CARD9: variants seen among roughly 807,000 people sequenced by gnomAD.
CARD9 encodes caspase recruitment domain family member 9, also known as caspase recruitment domain-containing protein 9.
In CARD9, 53 loss-of-function variants were observed where a neutral mutation model predicts 66.0. The ratio of observed to expected loss-of-function variants is 0.80; its 90% CI spans 0.64 to 1.01. CARD9 has a LOEUF of 1.01. CARD9 is among the 50% of genes least tolerant of loss of function. CARD9 has a pLI of 0.00. For missense variants in CARD9, 769 were observed against 743.2 expected, an observed-to-expected ratio of 1.03 and a Z score of -0.40; for synonymous variants, 387 against 313.8, an observed-to-expected ratio of 1.23 and a Z score of -2.47.
chr9:136,367,176 G>A (rs1442792372), intron 9 of CARD9, 40 bp downstream of exon 9: 1 of 1,602,614 alleles, frequency 6.2e-7, no homozygotes, highest in Non-Finnish European at 8.5e-7. Flanking sequence ...GACCCCAGGT[G>A]AAGGAAGGCC....
In CARD9 at chr9:136,371,995, T is replaced by A; in HGVS notation, c.84A>T (p.Ser28=). 6.2e-7 allele frequency: 1 copy of A among 1,612,768 alleles called. No individual in the cohort carries two copies. Among genetic ancestry groups the A allele is most frequent in the Non-Finnish European group, 8.5e-7 (1 of 1,179,908 alleles). Residue 28 remains serine, a synonymous_variant, in exon 2 of 13, where the codon TCA becomes TCT. Transcript: ENST00000371732. The part of the protein sequence containing the change: ...RVTLTSVIDP[S]RITPYLRQCK... Reference sequence around the variant, plus strand: ...ACTGCCGCAGGTAAGGTGTGATGCGTGAGGGGTCGATGACCGAGGTGAGCG... The same window carrying A: ...ACTGCCGCAGGTAAGGTGTGATGCGAGAGGGGTCGATGACCGAGGTGAGCG...
intron 1 of CARD9, among the ~76,000 whole-genome samples, chr9:136,372,515 A>C (rs1347609834): frequency 1.3e-5 from 2 of 152,222 alleles, no homozygotes; most frequent in African/African-American, 4.8e-5. Context: ...CATGGCTGGA[A>C]TGGGCAGAGG....
chr9:136,366,991 CAGCAGA>C, intron 9 of CARD9, 146 bp from the exon 10 acceptor site: 1 of 1,102,602 alleles, frequency 9.1e-7, no homozygotes, highest in Non-Finnish European at 1.4e-6. Flanking sequence ...CTCAGGTGCC[CAGCAGA>C]CGGACATTGG....
rs1326264729 is a variant in CARD9 at position 136,367,206 on chromosome 9, TCTCA to T, written c.1311+6_1311+9del. On this transcript the variant is annotated splice_donor_region_variant and intron_variant, in intron 9 of 12. Transcript: ENST00000371732. The stretch of plus-strand genomic sequence containing the variant: ...AAGGCCAGCCTCGTGCTGGCTGGGG[TCTCA>T]CTCACCTCCTGGGACCTCCTGGGTG... 7 of 1,611,450 alleles carry T rather than the reference TCTCA, an allele frequency of 4.3e-6. No individual in the cohort carries two copies. Among genetic ancestry groups the T allele is most frequent in the African/African-American group, 2.7e-5 (2 of 74,868 alleles).
chr9:136,370,317 G>C lies in CARD9; in HGVS notation c.928C>G (p.Gln310Glu). 6.2e-7 allele frequency: 1 copy of C among 1,607,154 alleles called. No homozygotes were observed. The highest frequency in any genetic ancestry group is 8.5e-7 in the Non-Finnish European group (1 of 1,179,100). The stretch of plus-strand genomic sequence containing the variant: ...ACCCGGAGGCGTCGGGCCTCGCCCT[G>C]GCGGAGGTCCTTGCGCAGGGAGAAG... ...TIFSLRKDLR[Q>E]GEARRLRCME... The change falls in exon 6 of 13, where the codon CAG becomes GAG. Residue 310 changes from glutamine (Q) to glutamate (E), a missense_variant. Physicochemically the swap from Gln to Glu is conservative, Grantham distance 29. Coordinates refer to ENST00000371732, the MANE Select transcript of CARD9 (RefSeq NM_052813.5).
At position 136,365,470 on chromosome 9, in the gene CARD9, C is replaced by T. The variant is rs570925131; in HGVS notation, c.1358-253G>A. ...CGCTCCCGCCAGTGACCATCCCTCC[C>T]CCGAGCTGGCTGCCTGCCAGGGAGG... On this transcript the variant is annotated intron_variant, in intron 10 of 12. Transcript: ENST00000371732. 1.1e-3 allele frequency: 602 copies of T among 564,432 alleles called. 9 individuals carry two copies. The South Asian group carries it at 0.011, about 10-fold the overall frequency. The allele number at this position is 564,432 out of a possible 1,614,324, so 35.0% of individuals were successfully genotyped here. A position where few individuals can be genotyped will look rare whatever the true frequency, so the allele number is the denominator to read the frequency against.
intron 10 of CARD9, 136 bp from the exon 11 acceptor site, chr9:136,365,353 G>A (rs1833098056): frequency 1.3e-6 from 1 of 781,544 alleles, no homozygotes; most frequent in Admixed American, 2.1e-5. Context: ...GTCCAGTGTA[G>A]ACTCTGCTTT....
rs1287916815 is a variant in CARD9, at chr9:136,370,282, C to G, written c.951+12G>C. 6.3e-7 allele frequency: 1 copy of G among 1,595,920 alleles called. No individual in the cohort carries two copies. The highest frequency in any genetic ancestry group is 1.7e-5 in the Admixed American group (1 of 59,448). The stretch of plus-strand genomic sequence containing the variant: ...GACCCCAGGGGCCATGTCTCCCCGC[C>G]TGCCCTCCTACCCGGAGGCGTCGGG... On this transcript the variant is annotated intron_variant, in intron 6 of 12. Coordinates refer to ENST00000371732, the MANE Select transcript of CARD9 (RefSeq NM_052813.5).
At position 136,364,313 on chromosome 9, in the gene CARD9, C is replaced by T. The variant is rs1833059447; in HGVS notation, c.1600G>A (p.Glu534Lys). 2 of 1,559,110 alleles carry T rather than the reference C, an allele frequency of 1.3e-6. No homozygotes were observed. The highest frequency in any genetic ancestry group is 1.7e-4 in the Middle Eastern group (1 of 6,010). Reference sequence around the variant, plus strand: ...CTGCGCTGCTGCGGCTAGGAGCCCTCAGTGTCGGTGTTGTCGCTGCCCGTG... The same window carrying T: ...CTGCGCTGCTGCGGCTAGGAGCCCTTAGTGTCGGTGTTGTCGCTGCCCGTG... ...NTTGSDNTDT[E>K]GS Residue 534 changes from glutamate to lysine, a missense_variant, in exon 13 of 13, where the codon GAG (glutamate) becomes AAG (lysine). Transcript: ENST00000371732.
intron 10 of CARD9, chr9:136,366,514 G>T: frequency 1.9e-6 from 1 of 527,270 alleles, no homozygotes; most frequent in Non-Finnish European, 3.4e-6. Flanking sequence ...CAGGACGGTG[G>T]GCCTGCTCAC....
chr9:136,367,652 C>T lies in CARD9; in HGVS notation c.1254G>A (p.Leu418=). The part of the protein sequence containing the change: ...AVEGRLRRQQ[L]ETLVLSSDLE... ...CCAGGCCCACCAGGACGAGCGTCTC[C>T]AGCTGCTGCCGCCTGAGCCTGCCCT... is the stretch of plus-strand genomic sequence containing the variant. Residue 418 remains leucine (L), a synonymous_variant, in exon 8 of 13, where the codon CTG becomes CTA. Transcript: ENST00000371732. 6.3e-7 allele frequency: 1 copy of T among 1,591,252 alleles called. No homozygotes were observed.
intron 10 of CARD9, 83 bp from the exon 11 acceptor site, chr9:136,365,300 G>A (rs1833096743): frequency 2.3e-6 from 3 of 1,327,562 alleles, no homozygotes; most frequent in African/African-American, 2.9e-5. Flanking sequence ...CCCCGGCATT[G>A]CAGTGGGGCT....
intron 1 of CARD9, among the ~76,000 whole-genome samples, chr9:136,372,384 C>G (rs1001634738): frequency 1.3e-5 from 2 of 152,228 alleles, no homozygotes; most frequent in African/African-American, 4.8e-5. Context: ...CACCCAGATA[C>G]GCAGCGGGGG....
In CARD9 at chr9:136,371,282, G is replaced by A. The variant is rs370305620; in HGVS notation, c.322+42C>T. On this transcript the variant is annotated intron_variant, in intron 3 of 12. Transcript: ENST00000371732. Reference sequence around the variant, plus strand: ...GACCCAACACCACTGCCCGCTCCCCGCCAGCGCCTCCCCTGTCGGCCCCGC... The same window carrying A: ...GACCCAACACCACTGCCCGCTCCCCACCAGCGCCTCCCCTGTCGGCCCCGC... The A allele has an allele frequency of 1.2e-5, 19 of 1,583,244 alleles. 1 individual carries two copies. The highest frequency in any genetic ancestry group is 3.3e-4 in the Middle Eastern group (2 of 6,018).
chr9:136,370,828 G>A lies in CARD9; in HGVS notation c.627+13C>T, dbSNP rs372553152. On this transcript the variant is annotated intron_variant, in intron 4 of 12. Coordinates refer to ENST00000371732, the MANE Select transcript of CARD9 (RefSeq NM_052813.5). ...GCGAGGGTGGCCTGGTTTCCCGGGGGCAGCGGGCGCACCTCCAGCTGCAGG... is the reference window on the plus strand; with the variant it reads ...GCGAGGGTGGCCTGGTTTCCCGGGGACAGCGGGCGCACCTCCAGCTGCAGG... The A allele has an allele frequency of 8.2e-6, 13 of 1,592,872 alleles. No homozygotes were observed. Among genetic ancestry groups the A allele is most frequent in the Admixed American group, 1.7e-5 (1 of 58,708 alleles).
At position 136,370,801 on chromosome 9, in the gene CARD9, A is replaced by T. The variant is rs1451111158; in HGVS notation, c.627+40T>A. 2.5e-6 allele frequency: 4 copies of T among 1,597,658 alleles called. No homozygotes were observed. In the African/African-American group the frequency reaches 5.4e-5, roughly 21 times the overall value. ...CCCGGCCTGCAGACCCCGCCAGGCC[A>T]GGCGAGGGTGGCCTGGTTTCCCGGG... On this transcript the variant is annotated intron_variant, in intron 4 of 12. Coordinates refer to ENST00000371732, the MANE Select transcript of CARD9 (RefSeq NM_052813.5).
chr9:136,365,013 C>A, intron 11 of CARD9, 128 bp downstream of exon 11: 1 of 848,694 alleles, frequency 1.2e-6, no homozygotes, highest in Non-Finnish European at 1.9e-6. Flanking sequence ...TGGGCAGAGA[C>A]CTTGTGGTCA....
At chr9:136,372,841 C>T (rs4078098) in intron 1 of CARD9, among the ~76,000 whole-genome samples, 5,009 of 152,334 alleles carry the variant, frequency 0.033, 131 homozygotes, top group Non-Finnish European at 0.043. Context: ...CAGTGTTGCC[C>T]TTGGCTGGCC....
In CARD9 at chr9:136,371,479, C is replaced by T. The variant is rs759231687; in HGVS notation, c.185-18G>A. On this transcript the variant is annotated intron_variant, in intron 2 of 12. Coordinates refer to ENST00000371732, the MANE Select transcript of CARD9 (RefSeq NM_052813.5). Reference sequence around the variant, plus strand: ...GAGCACACCTGCGGGCCAGAGAGGCCTAACTGGGGGCGGGGCACAGGCGAG... The same window carrying T: ...GAGCACACCTGCGGGCCAGAGAGGCTTAACTGGGGGCGGGGCACAGGCGAG... 1.9e-5 allele frequency: 28 copies of T among 1,498,408 alleles called. 1 individual carries two copies. In the South Asian group the frequency reaches 3.2e-4, roughly 17 times the overall value. 92.8% of individuals were successfully genotyped at this position (1,498,408 alleles called of 1,614,324 possible). A position where few individuals can be genotyped will look rare whatever the true frequency, so the allele number is the denominator to read the frequency against.
Sources: gnomAD v4.1 joint callset for allele counts (sites outside exome capture counted in the v4.1 genomes callset) on GRCh38, gnomAD v4.1.1 for gene constraint, MANE v1.5 for transcripts, NCBI Gene and HGNC (gene_info 2026-07-23, HGNC 2026-07-21) for gene names.